CADM2: variants seen among roughly 807,000 people sequenced by gnomAD.
The protein encoded by CADM2 is immunoglobulin superfamily member 4D.
Under a neutral mutation model 49.8 loss-of-function variants are expected in CADM2, and 12 were observed. That is an observed-to-expected ratio of 0.24 (90% CI 0.15 to 0.39). CADM2 has a LOEUF of 0.39. Among genes scored for constraint, CADM2 ranks in the 10% least tolerant of loss-of-function variants. The pLI is 1.00. For missense variants in CADM2, 378 were observed against 492.3 expected, an observed-to-expected ratio of 0.77 and a Z score of 2.20; for synonymous variants, 214 against 175.4, an observed-to-expected ratio of 1.22 and a Z score of -1.74.
chr3:85,339,956 A>G (rs1459468312), intron 1 of CADM2, among the ~76,000 whole-genome samples: 1 of 151,410 alleles, frequency 6.6e-6, no homozygotes, highest in Admixed American at 6.6e-5. Flanking sequence ...CATGAGATGT[A>G]AGATTAATAA....
At chr3:85,617,158 TAGGTTGA>T (rs2063822673) in intron 1 of CADM2, among the ~76,000 whole-genome samples, 2 of 152,064 alleles carry the variant, frequency 1.3e-5, no homozygotes, top group South Asian at 4.1e-4. Flanking sequence ...TCAGATTCCA[TAGGTTGA>T]AGGGTCAGTC....
chr3:85,453,804 A>G (rs1367023410), intron 1 of CADM2, among the ~76,000 whole-genome samples: 1 of 152,206 alleles, frequency 6.6e-6, no homozygotes, highest in Non-Finnish European at 1.5e-5. Flanking sequence ...TAATTTTGGA[A>G]TATATAAAAA....
chr3:86,047,099 G>A (rs1219444129), intron 8 of CADM2, among the ~76,000 whole-genome samples: 2 of 151,856 alleles, frequency 1.3e-5, no homozygotes, highest in East Asian at 1.9e-4. Flanking sequence ...AATTAAGTTC[G>A]CTTCTTCAAA....
intron 1 of CADM2, among the ~76,000 whole-genome samples, chr3:85,018,663 C>A (rs2034362203): frequency 6.6e-6 from 1 of 152,084 alleles, no homozygotes. Context: ...GTTGCTAGGG[C>A]AACTTTTCTT....
At chr3:85,669,386 A>T (rs2065669816) in intron 1 of CADM2, among the ~76,000 whole-genome samples, 1 of 152,154 alleles carries the variant, frequency 6.6e-6, no homozygotes, top group African/African-American at 2.4e-5. Flanking sequence ...AAAAAGGTTA[A>T]AGGTCATTTT....
intron 1 of CADM2, among the ~76,000 whole-genome samples, chr3:85,300,935 T>C (rs72921324): frequency 0.1 from 15,499 of 151,922 alleles, 1,708 homozygotes; most frequent in African/African-American, 0.28. Context: ...AGGGAGAAAG[T>C]AGGAATGAGA....
intron 8 of CADM2, among the ~76,000 whole-genome samples, chr3:85,988,089 G>A (rs1472395591): frequency 6.6e-6 from 1 of 152,108 alleles, no homozygotes; most frequent in Admixed American, 6.6e-5. Context: ...GGAACTTTCT[G>A]CCAGGACAAT....
chr3:85,830,427 C>G (rs2108227166), intron 3 of CADM2, among the ~76,000 whole-genome samples: 1 of 152,022 alleles, frequency 6.6e-6, no homozygotes, highest in African/African-American at 2.4e-5. Context: ...GATATTGACC[C>G]TTTATCACAT....
chr3:85,943,105 AT>A (rs1438685679), intron 7 of CADM2, among the ~76,000 whole-genome samples: 1 of 151,766 alleles, frequency 6.6e-6, no homozygotes, highest in East Asian at 1.9e-4. Context: ...ACATTTTTTC[AT>A]GTGTTTTTTG....
chr3:85,027,638 T>G (rs1218460367), intron 1 of CADM2, among the ~76,000 whole-genome samples: 1 of 152,136 alleles, frequency 6.6e-6, no homozygotes, highest in Non-Finnish European at 1.5e-5. Context: ...GATTCAAAAA[T>G]CAGAATGTTT....
chr3:85,724,085 T>G (rs2067601917), intron 1 of CADM2, among the ~76,000 whole-genome samples: 1 of 152,132 alleles, frequency 6.6e-6, no homozygotes, highest in African/African-American at 2.4e-5. Context: ...TATTTTCACT[T>G]AAAATCCACT....
intron 1 of CADM2, among the ~76,000 whole-genome samples, chr3:85,549,378 G>A (rs1032293853): frequency 6.6e-6 from 1 of 152,150 alleles, no homozygotes; most frequent in African/African-American, 2.4e-5. Flanking sequence ...ATACACACAG[G>A]TGTTTGCGGT....
intron 1 of CADM2, among the ~76,000 whole-genome samples, chr3:85,154,805 A>C (rs1192798307): frequency 1.4e-5 from 2 of 147,002 alleles, no homozygotes; most frequent in African/African-American, 2.6e-5. Flanking sequence ...AAAGAAAAGA[A>C]TTTTCAACCC....
chr3:85,839,009 A>T (rs768599647), intron 3 of CADM2, among the ~76,000 whole-genome samples: 2 of 151,780 alleles, frequency 1.3e-5, no homozygotes, highest in Non-Finnish European at 2.9e-5. Flanking sequence ...TGGGATGGAG[A>T]GGGAAGAACA....
At chr3:85,305,898 A>G (rs1438344807) in intron 1 of CADM2, among the ~76,000 whole-genome samples, 1 of 151,694 alleles carries the variant, frequency 6.6e-6, no homozygotes, top group Non-Finnish European at 1.5e-5. Context: ...AAATGAAGCT[A>G]CTACATTTAG....
chr3:85,139,243 A>G (rs976158423), intron 1 of CADM2, among the ~76,000 whole-genome samples: 1 of 152,206 alleles, frequency 6.6e-6, no homozygotes, highest in African/African-American at 2.4e-5. Context: ...AATAATGTCA[A>G]TACACACAGA....
At chr3:85,824,387 T>G (rs1375219) in intron 3 of CADM2, among the ~76,000 whole-genome samples, 106,903 of 151,774 alleles carry the variant, frequency 0.7, 39,197 homozygotes, top group African/African-American at 0.92. Flanking sequence ...GTGTGGGAAA[T>G]AAAATGGATA....
chr3:85,697,716 A>T lies in CADM2; in HGVS notation c.62-28806A>T, dbSNP rs184940297. On this transcript the variant is annotated intron_variant, in intron 1 of 9. Transcript: ENST00000383699. Reference sequence around the variant, plus strand: ...TGGAATATGTGAAAAGCATGTGGGAAGACACAAATTATTGACAGTGTTCCA... The same window carrying T: ...TGGAATATGTGAAAAGCATGTGGGATGACACAAATTATTGACAGTGTTCCA... Among the ~76,000 whole-genome samples the T allele has an allele frequency of 2.0e-4, 31 of 152,340 alleles. No homozygotes were observed. The East Asian group carries it at 4.2e-3, about 21-fold the overall frequency.
rs1465323639 is a variant in CADM2, at chr3:86,040,268, G to A, written c.971-25337G>A. 2.0e-5 allele frequency among the ~76,000 whole-genome samples: 3 copies of A among 152,254 alleles called. No individual in the cohort carries two copies. The East Asian group carries it at 5.8e-4, about 29-fold the overall frequency. The stretch of plus-strand genomic sequence containing the variant: ...GAAGACCTGAGAGAAGAAGGCTTCA[G>A]ATGATCAAACTACTCTGAGCTAAAG... On this transcript the variant is annotated intron_variant, in intron 8 of 9. Coordinates refer to ENST00000383699, the MANE Select transcript of CADM2 (RefSeq NM_001167675.2).
Sources: gnomAD v4.1 joint callset for allele counts (sites outside exome capture counted in the v4.1 genomes callset) on GRCh38, gnomAD v4.1.1 for gene constraint, MANE v1.5 for transcripts, NCBI Gene and HGNC (gene_info 2026-07-23, HGNC 2026-07-21) for gene names.